Variants in ADGRG1 observed in about 807,000 individuals in gnomAD.
The protein encoded by ADGRG1 is adhesion G protein-coupled receptor G1.
Under a neutral mutation model 73.5 loss-of-function variants are expected in ADGRG1, and 53 were observed. The ratio of observed to expected loss-of-function variants is 0.72; its 90% CI spans 0.58 to 0.91. The LOEUF is 0.91. ADGRG1 is among the 40% of genes least tolerant of loss of function. The probability of loss-of-function intolerance (pLI) is 0.00; values close to 1 mark genes in which losing one functional copy is unlikely to be tolerated. For synonymous variants in ADGRG1, 394 were observed against 374.4 expected (o/e 1.05, Z -0.60); for missense variants, 795 against 871.8 (o/e 0.91, Z 1.11).
At chr16:57,630,208 G>A in intron 1 of ADGRG1, 1 of 412,786 alleles carries the variant, frequency 2.4e-6, no homozygotes, top group Non-Finnish European at 3.3e-6. Context: ...CGGGCAGCCT[G>A]TTGGCTCCTT....
At chr16:57,660,596 T>A (rs1421458389) in intron 11 of ADGRG1, 172 bp from the exon 12 acceptor site, 7 of 915,576 alleles carry the variant, frequency 7.6e-6, no homozygotes, top group Non-Finnish European at 9.1e-6. Context: ...CATACTGGAA[T>A]GGGGAGGGGG....
chr16:57,626,660 G>A, upstream of ADGRG1: 1 of 985,466 alleles, frequency 1.0e-6, no homozygotes, highest in Non-Finnish European at 1.2e-6. Flanking sequence ...TGCAGAGAGA[G>A]TGGTGCCTTC....
rs1037117424 is a variant in ADGRG1, at chr16:57,664,000, C to T, written c.*418C>T. On this transcript the variant is annotated 3_prime_UTR_variant, in exon 14 of 14. Coordinates refer to ENST00000562631, the MANE Select transcript of ADGRG1 (RefSeq NM_201525.4). ...AAATGTGGCTCCAGTTGCTCTGTCTCTCGTGGTCACCCTGAGGGCACTCTG... is the reference window on the plus strand; with the variant it reads ...AAATGTGGCTCCAGTTGCTCTGTCTTTCGTGGTCACCCTGAGGGCACTCTG... 1.9e-5 allele frequency: 5 copies of T among 267,550 alleles called. No homozygotes were observed. The highest frequency in any genetic ancestry group is 3.7e-5 in the Non-Finnish European group (5 of 136,794). 16.6% of individuals were successfully genotyped at this position (267,550 alleles called of 1,614,324 possible).
chr16:57,634,113 G>A (rs1185426233), intron 1 of ADGRG1: 1 of 985,332 alleles, frequency 1.0e-6, no homozygotes, highest in Non-Finnish European at 1.2e-6. Context: ...TCCTGGGACA[G>A]AACAGCACTG....
intron 1 of ADGRG1, chr16:57,637,814 A>G (rs996840204): frequency 1.3e-5 from 7 of 552,696 alleles, no homozygotes; most frequent in Non-Finnish European, 1.6e-5. Flanking sequence ...GGCCTCTGCC[A>G]GAAATCATCC....
At chr16:57,649,452 C>T (rs543019591) in intron 1 of ADGRG1, among the ~76,000 whole-genome samples, 1 of 152,160 alleles carries the variant, frequency 6.6e-6, no homozygotes, top group Non-Finnish European at 1.5e-5. Context: ...CCAAAGGAGG[C>T]TGGGACTGAC....
chr16:57,632,172 T>G (rs1567680249), intron 1 of ADGRG1: 1 of 985,340 alleles, frequency 1.0e-6, no homozygotes, highest in Non-Finnish European at 1.2e-6. Flanking sequence ...ATCCAGAATT[T>G]GGGCTCTTGT....
intron 1 of ADGRG1, chr16:57,637,196 C>A: frequency 2.4e-6 from 1 of 425,124 alleles, no homozygotes; most frequent in Non-Finnish European, 3.1e-6. Flanking sequence ...GCTCCCTGAG[C>A]CTCAGTTCTC....
rs74326170 is a variant in ADGRG1, at chr16:57,657,497, G to A, written c.1286+6G>A. ...GCCGCCTACCTCTGCTCCAGGTGAG[G>A]CCTGAAAGGGGTGGGACAGGGGAGG... On this transcript the variant is annotated splice_donor_region_variant and intron_variant, in intron 10 of 13. Transcript: ENST00000562631. 25,730 of 1,604,548 alleles carry A rather than the reference G, an allele frequency of 0.016. 1,218 individuals carry two copies. Among genetic ancestry groups the A allele is most frequent in the African/African-American group, 0.16 (11,864 of 74,788 alleles).
Position 57,631,050 on chromosome 16 carries a change from G to C in ADGRG1, c.-36+2248G>C, listed in dbSNP as rs372723649. 2.9e-5 allele frequency: 29 copies of C among 985,808 alleles called. No homozygotes were observed. In the African/African-American group the frequency reaches 4.7e-4, roughly 16 times the overall value. 61.1% of individuals were successfully genotyped at this position (985,808 alleles called of 1,614,324 possible). ...GCCCAGGCTGCAAACCCAGCAGGACGGGGAGGGCCAGGATGGGTGTTCAGT... is the reference window on the plus strand; with the variant it reads ...GCCCAGGCTGCAAACCCAGCAGGACCGGGAGGGCCAGGATGGGTGTTCAGT... On this transcript the variant is annotated intron_variant, in intron 1 of 13. Transcript: ENST00000562631.
At chr16:57,631,107 CT>C (rs34379257) in intron 1 of ADGRG1, 372,129 of 984,564 alleles carry the variant, frequency 0.38, 70,925 homozygotes, top group African/African-American at 0.5. Context: ...CAGTCTCTGG[CT>C]GCTGGGTTAA....
chr16:57,630,712 CAG>C (rs2037604559), intron 1 of ADGRG1: 1 of 235,172 alleles, frequency 4.3e-6, no homozygotes, highest in African/African-American at 2.3e-5. Flanking sequence ...AGCTTGCTAA[CAG>C]AGGGCCCAGA....
At chr16:57,659,342 TGGA>T in intron 10 of ADGRG1, 68 bp from the exon 11 acceptor site, 6 of 1,609,714 alleles carry the variant, frequency 3.7e-6, no homozygotes, top group South Asian at 1.1e-5. Flanking sequence ...GAAGGCTTCC[TGGA>T]GGAGATGTGG....
chr16:57,631,157 G>A lies in ADGRG1; in HGVS notation c.-36+2355G>A, dbSNP rs138927366. The A allele has an allele frequency of 8.4e-4, 832 of 986,354 alleles. 1 individual carries two copies. Among genetic ancestry groups the A allele is most frequent in the Middle Eastern group, 4.7e-3 (9 of 1,924 alleles). The allele number at this position is 986,354 out of a possible 1,614,324, so 61.1% of individuals were successfully genotyped here. ...GAGCAGCTTCACGTGTGAGGGAGAC[G>A]AGGGGGAGGTGGCGCCCAGTCGAGG... On this transcript the variant is annotated intron_variant, in intron 1 of 13. Transcript: ENST00000562631.
At chr16:57,642,767 T>G in intron 1 of ADGRG1, 1 of 443,058 alleles carries the variant, frequency 2.3e-6, no homozygotes, top group Non-Finnish European at 3.0e-6. Context: ...AGTTTGGGCT[T>G]GGAGGTTAGG....
chr16:57,629,861 C>G (rs57902804), intron 1 of ADGRG1: 5,331 of 220,544 alleles, frequency 0.024, 229 homozygotes, highest in East Asian at 0.18. Context: ...ACCCACCTCC[C>G]CTGCGTGGTA....
At chr16:57,622,620 G>A in intron 2 of ADGRG1, 1 of 210,750 alleles carries the variant, frequency 4.7e-6, no homozygotes, top group African/African-American at 2.3e-5. Context: ...TATTAGAGGT[G>A]GCTCAGCCTT....
chr16:57,632,123 G>A (rs1227421677), intron 1 of ADGRG1: 1 of 985,356 alleles, frequency 1.0e-6, no homozygotes, highest in East Asian at 1.1e-4. Context: ...CATTGAGGCA[G>A]GGGAGGCTTA....
rs2148576783 is a variant in ADGRG1 at position 57,660,808 on chromosome 16, T to C, written c.1596T>C (p.Asp532=). The change falls in exon 12 of 14, where the codon GAT becomes GAC. Residue 532 remains aspartate (D), a synonymous_variant. Transcript: ENST00000562631. The part of the protein sequence containing the change: ...IFLVTLVALV[D]VDNYGPIILA... ...TGGTGACGCTGGTGGCCCTGGTGGA[T>C]GTGGACAACTATGGCCCCATCATCT... 4 of 1,613,550 alleles carry C rather than the reference T, an allele frequency of 2.5e-6. No homozygotes were observed. Among genetic ancestry groups the C allele is most frequent in the Non-Finnish European group, 3.4e-6 (4 of 1,179,526 alleles).
Sources: allele counts gnomAD v4.1 joint callset (sites outside exome capture counted in the v4.1 genomes callset), GRCh38; gene constraint gnomAD v4.1.1; transcripts MANE v1.5; gene names NCBI Gene and HGNC (gene_info 2026-07-23, HGNC 2026-07-21).